CNTLN: variants seen among roughly 807,000 people sequenced by gnomAD.
The protein encoded by CNTLN is centlein, centrosomal protein.
CNTLN carries 212 observed loss-of-function variants against 180.0 expected under a neutral mutation model. The ratio of observed to expected loss-of-function variants is 1.18; its 90% confidence interval spans 1.05 to 1.32. The LOEUF is 1.32. CNTLN is among the 40% of genes most tolerant of loss of function. The probability of loss-of-function intolerance (pLI) is 0.00; values close to 1 mark genes in which losing one functional copy is unlikely to be tolerated. For synonymous variants in CNTLN, 722 were observed against 563.1 expected (o/e 1.28, Z -3.99); for missense variants, 2,095 against 1,610.9 (o/e 1.30, Z -5.14).
At chr9:17,522,163 A>C in the CNTLN span, among the ~76,000 whole-genome samples, 1 of 152,080 alleles carries the variant, frequency 6.6e-6, no homozygotes, top group East Asian at 1.9e-4. Flanking sequence ...TTTTTTAAGG[A>C]TTAAGGAGGT....
chr9:17,302,826 C>T (rs1268320713), intron 7 of CNTLN, among the ~76,000 whole-genome samples: 1 of 152,100 alleles, frequency 6.6e-6, no homozygotes, highest in African/African-American at 2.4e-5. Context: ...AGAAGTCCTT[C>T]CAGTTAGATC....
At position 17,154,189 on chromosome 9, in the gene CNTLN, G is replaced by A. The variant is rs1464540884; in HGVS notation, c.449+10813G>A. ...TCAAACTCATTCTCTGTCCAGCTTT[G>A]TTCCCTTGCTGGCGAGGAGTTGTCA... is the stretch of plus-strand genomic sequence containing the variant. On this transcript the variant is annotated intron_variant, in intron 2 of 25. Coordinates refer to ENST00000380647, the MANE Select transcript of CNTLN (RefSeq NM_017738.4). Among the ~76,000 whole-genome samples, 3 of 152,264 alleles carry A rather than the reference G, an allele frequency of 2.0e-5. No homozygotes were observed. The East Asian group carries it at 5.8e-4, about 29-fold the overall frequency.
At chr9:17,227,801 T>C (rs1054338407) in intron 3 of CNTLN, among the ~76,000 whole-genome samples, 1 of 152,084 alleles carries the variant, frequency 6.6e-6, no homozygotes, top group African/African-American at 2.4e-5. Flanking sequence ...GGTACTATGA[T>C]GATAAAATGT....
chr9:17,226,299 A>G lies in CNTLN; in HGVS notation c.534+12A>G. 1 of 1,429,086 alleles carries G rather than the reference A, an allele frequency of 7.0e-7. No homozygotes were observed. Among genetic ancestry groups the G allele is most frequent in the Non-Finnish European group, 9.4e-7 (1 of 1,059,010 alleles). The allele number at this position is 1,429,086 out of a possible 1,614,324, so 88.5% of individuals were successfully genotyped here. A position where few individuals can be genotyped will look rare whatever the true frequency, so the allele number is the denominator to read the frequency against. Reference sequence around the variant, plus strand: ...AAGAATTTGAACAGGTTGGTGTTATAATAAAAATATTTAAATTAACTATAT... The same window carrying G: ...AAGAATTTGAACAGGTTGGTGTTATGATAAAAATATTTAAATTAACTATAT... On this transcript the variant is annotated intron_variant, in intron 3 of 25. Coordinates refer to ENST00000380647, the MANE Select transcript of CNTLN (RefSeq NM_017738.4).
chr9:17,236,427 C>G lies in CNTLN; in HGVS notation c.688C>G (p.Gln230Glu), dbSNP rs749865822. ...TCTACAGGACACTAAGGAGTGTGTA[C>G]AGAACAAAGAAGAGCAAAACAGACT... ...QEIKDTKECV[Q>E]NKEEQNRLVI... Residue 230 changes from glutamine (Q) to glutamate (E), a missense_variant, in exon 5 of 26, where the codon CAG becomes GAG. Transcript: ENST00000380647. 5 of 1,610,654 alleles carry G rather than the reference C, an allele frequency of 3.1e-6. No individual in the cohort carries two copies. In the African/African-American group the frequency reaches 6.7e-5, roughly 22 times the overall value.
At chr9:17,211,281 C>T (rs1284091809) in intron 2 of CNTLN, among the ~76,000 whole-genome samples, 5 of 152,252 alleles carry the variant, frequency 3.3e-5, no homozygotes, top group East Asian at 3.9e-4. Flanking sequence ...TATGGCTAGC[C>T]AGTTTTCGCA....
At chr9:17,470,286 G>A (rs1831984944) in intron 23 of CNTLN, among the ~76,000 whole-genome samples, 1 of 151,868 alleles carries the variant, frequency 6.6e-6, no homozygotes, top group African/African-American at 2.4e-5. Context: ...TGAGAACTAT[G>A]TGCATTCCTT....
At chr9:17,462,875 G>A in intron 19 of CNTLN, 41 bp from the exon 20 acceptor site, 1 of 1,122,522 alleles carries the variant, frequency 8.9e-7, no homozygotes, top group Non-Finnish European at 1.3e-6. Flanking sequence ...TTAGACCAAG[G>A]TTGTAAGGTA....
intron 8 of CNTLN, among the ~76,000 whole-genome samples, chr9:17,324,979 T>C (rs952603238): frequency 6.6e-6 from 1 of 151,838 alleles, no homozygotes; most frequent in Non-Finnish European, 1.5e-5. Context: ...TAAAAGTGAG[T>C]AGATGGAAGA....
chr9:17,252,531 T>C (rs1447198118), intron 5 of CNTLN, among the ~76,000 whole-genome samples: 2 of 151,740 alleles, frequency 1.3e-5, no homozygotes, highest in Non-Finnish European at 3.0e-5. Context: ...CTGTTGGCCA[T>C]GTGTATATCT....
chr9:17,292,408 G>T (rs1288071513), intron 6 of CNTLN, among the ~76,000 whole-genome samples: 1 of 152,142 alleles, frequency 6.6e-6, no homozygotes, highest in South Asian at 2.1e-4. Flanking sequence ...TTCCACCTTG[G>T]TTCTGTTCTC....
intron 1 of CNTLN, 149 bp downstream of exon 1, chr9:17,135,574 G>A: frequency 2.7e-6 from 3 of 1,127,764 alleles, no homozygotes; most frequent in South Asian, 1.6e-5. Context: ...GCGGCCGGGG[G>A]CTGGAGGGAC....
chr9:17,302,117 C>T, intron 7 of CNTLN: 1 of 716,888 alleles, frequency 1.4e-6, no homozygotes, highest in Non-Finnish European at 1.6e-6. Context: ...CACACACACA[C>T]ACAGACACAC....
intron 18 of CNTLN, among the ~76,000 whole-genome samples, chr9:17,454,956 A>G (rs1831025588): frequency 6.6e-6 from 1 of 152,246 alleles, no homozygotes; most frequent in Non-Finnish European, 1.5e-5. Flanking sequence ...AACAAGAAAA[A>G]TCACAATTTT....
intron 8 of CNTLN, among the ~76,000 whole-genome samples, chr9:17,319,076 G>A (rs1462173523): frequency 2.0e-5 from 3 of 152,176 alleles, no homozygotes; most frequent in Non-Finnish European, 4.4e-5. Flanking sequence ...AGCTTTTCAA[G>A]GAGCATGTTT....
Position 17,428,596 on chromosome 9 carries a change from T to G in CNTLN, c.3114+12407T>G, listed in dbSNP as rs754420609. Among the ~76,000 whole-genome samples the G allele has an allele frequency of 1.6e-3, 236 of 152,252 alleles. 2 individuals carry two copies. The highest frequency in any genetic ancestry group is 2.9e-3 in the Non-Finnish European group (196 of 67,966). On this transcript the variant is annotated intron_variant, in intron 18 of 25. Transcript: ENST00000380647. ...AGTGGAAGCTTTTGCAAACTTAGTA[T>G]TTTTCTTATTTGATCTTTATAAACT...
At chr9:17,377,637 T>C (rs889446143) in intron 13 of CNTLN, among the ~76,000 whole-genome samples, 5 of 152,210 alleles carry the variant, frequency 3.3e-5, no homozygotes, top group African/African-American at 1.2e-4. Flanking sequence ...AGAACCTAGA[T>C]GTTTGAGAAT....
At chr9:17,452,384 G>A (rs1830836454) in intron 18 of CNTLN, among the ~76,000 whole-genome samples, 1 of 152,168 alleles carries the variant, frequency 6.6e-6, no homozygotes, top group Non-Finnish European at 1.5e-5. Flanking sequence ...GGAAAGCAGA[G>A]TGGTCATAGA....
intron 2 of CNTLN, among the ~76,000 whole-genome samples, chr9:17,148,640 G>A (rs1444196184): frequency 6.6e-6 from 1 of 152,116 alleles, no homozygotes. Context: ...GCACCAAAAT[G>A]TGACAAATGT....
Sources: gnomAD v4.1 joint callset for allele counts (sites outside exome capture counted in the v4.1 genomes callset) on GRCh38, gnomAD v4.1.1 for gene constraint, MANE v1.5 for transcripts, NCBI Gene and HGNC (gene_info 2026-07-23, HGNC 2026-07-21) for gene names.